Variants in SH3YL1 observed in about 807,000 individuals in gnomAD.
SH3YL1 encodes the protein SH3 domain-containing YSC84-like protein 1.
SH3YL1 carries 41 observed loss-of-function variants against 45.8 expected under a neutral mutation model. That is an observed-to-expected ratio of 0.89 (90% CI 0.70 to 1.16). The LOEUF is 1.16. SH3YL1 is among the 50% of genes most tolerant of loss of function. SH3YL1 has a pLI of 0.00. For missense variants in SH3YL1, 389 were observed against 409.6 expected (o/e 0.95, Z 0.43); for synonymous variants, 152 against 151.4 (o/e 1.00, Z -0.03).
Position 233,189 on chromosome 2 carries a change from C to CGGCA in SH3YL1, c.441_444dup (p.Val149CysfsTer24), listed in dbSNP as rs1558238107. 6.3e-7 allele frequency: 1 copy of CGGCA among 1,593,348 alleles called. No individual in the cohort carries two copies. Among genetic ancestry groups the CGGCA allele is most frequent in the Admixed American group, 1.7e-5 (1 of 57,360 alleles). On this transcript the variant is annotated frameshift_variant, in exon 6 of 10. Transcript: ENST00000356150. LOFTEE classifies it high-confidence loss of function. The stretch of plus-strand genomic sequence containing the variant: ...CCCCTTGACTTGCAGTACGTGAAGA[C>CGGCA]GGCAGCGGAGCTTCTCAGGGCCACG...
At chr2:240,680 T>A (rs1032294277) in intron 4 of SH3YL1, 1 of 152,188 alleles carries the variant, frequency 6.6e-6, no homozygotes, top group Non-Finnish European at 1.5e-5. Context: ...TTGGAAACAA[T>A]GGAGCAATCA....
intron 8 of SH3YL1, among the ~76,000 whole-genome samples, chr2:226,158 T>A (rs949968955): frequency 8.5e-5 from 13 of 152,128 alleles, no homozygotes; most frequent in African/African-American, 2.9e-4. Context: ...AAGACCTTAA[T>A]CATGACCAAA....
chr2:219,690 T>C (rs1034757151), intron 9 of SH3YL1, among the ~76,000 whole-genome samples: 1 of 152,200 alleles, frequency 6.6e-6, no homozygotes, highest in African/African-American at 2.4e-5. Flanking sequence ...AAGGCAGATA[T>C]GTGAGCTTAT....
chr2:220,647 G>A (rs937785498), intron 9 of SH3YL1, among the ~76,000 whole-genome samples: 19 of 152,316 alleles, frequency 1.2e-4, no homozygotes, highest in Admixed American at 2.0e-4. Flanking sequence ...CCGGGCAGGC[G>A]CTCACGCCGT....
At chr2:238,085 T>C (rs1668384038) in intron 4 of SH3YL1, among the ~76,000 whole-genome samples, 1 of 152,112 alleles carries the variant, frequency 6.6e-6, no homozygotes, top group Non-Finnish European at 1.5e-5. Flanking sequence ...CACCCCCTTC[T>C]GGATGATTGA....
intron 3 of SH3YL1, among the ~76,000 whole-genome samples, chr2:248,195 G>A (rs1262107050): frequency 3.3e-5 from 5 of 152,108 alleles, no homozygotes; most frequent in Admixed American, 2.0e-4. Flanking sequence ...CCATGATACG[G>A]CACATTTTAG....
intron 8 of SH3YL1, among the ~76,000 whole-genome samples, chr2:229,522 G>A (rs1162737747): frequency 3.3e-5 from 5 of 151,948 alleles, no homozygotes; most frequent in African/African-American, 4.8e-5. Context: ...GAGGTCAGGA[G>A]ATCGAGACCA....
chr2:236,439 C>T lies in SH3YL1; in HGVS notation c.292-2167G>A, dbSNP rs914475325. Reference sequence around the variant, plus strand: ...AACTACTGTGAGAATCAGATATAGGCGTCAAGTGTACCTGGGAAGTTGAAA... The same window carrying T: ...AACTACTGTGAGAATCAGATATAGGTGTCAAGTGTACCTGGGAAGTTGAAA... On this transcript the variant is annotated intron_variant, in intron 4 of 9. Transcript: ENST00000356150. Among the ~76,000 whole-genome samples the T allele has an allele frequency of 3.3e-5, 5 of 152,080 alleles. No individual in the cohort carries two copies. In the South Asian group the frequency reaches 6.2e-4, roughly 19 times the overall value.
At chr2:238,196 T>A (rs1668388816) in intron 4 of SH3YL1, among the ~76,000 whole-genome samples, 1 of 152,190 alleles carries the variant, frequency 6.6e-6, no homozygotes. Flanking sequence ...GGGCTGGCCT[T>A]GGAGCCTGCC....
chr2:218,823 T>A lies in SH3YL1; in HGVS notation c.1017A>T (p.Val339=). ...GQTGIFPANY[V]TMN is the part of the protein sequence containing the mutation. ...AATAGTATACGCTTTAATTCATGGTTACGTAGTTGGCTGGAAAAATGCCAG... is the reference window on the plus strand; with the variant it reads ...AATAGTATACGCTTTAATTCATGGTAACGTAGTTGGCTGGAAAAATGCCAG... Residue 339 remains valine, a synonymous_variant, in exon 10 of 10, where the codon GTA becomes GTT. Coordinates refer to ENST00000356150, the MANE Select transcript of SH3YL1 (RefSeq NM_015677.4). The A allele has an allele frequency of 6.2e-7, 1 of 1,613,010 alleles. No individual in the cohort carries two copies. Among genetic ancestry groups the A allele is most frequent in the Non-Finnish European group, 8.5e-7 (1 of 1,179,244 alleles).
At chr2:263,862 A>T in intron 1 of SH3YL1, 122 bp downstream of exon 1, 1 of 820,114 alleles carries the variant, frequency 1.2e-6, no homozygotes, top group Non-Finnish European at 2.0e-6. Flanking sequence ...GTTTGCGGTT[A>T]ACAGACGCGC....
chr2:223,762 C>A (rs1307952625), intron 9 of SH3YL1, among the ~76,000 whole-genome samples: 3 of 152,182 alleles, frequency 2.0e-5, no homozygotes, highest in African/African-American at 7.2e-5. Context: ...ATACCTAAGA[C>A]CATGGCACAG....
At chr2:262,730 T>A in intron 1 of SH3YL1, 1 of 1,271,428 alleles carries the variant, frequency 7.9e-7, no homozygotes, top group Non-Finnish European at 1.0e-6. Flanking sequence ...ATGTTTGTGT[T>A]GACATGCCAG....
At chr2:250,929 T>C (rs1336084306) in intron 2 of SH3YL1, among the ~76,000 whole-genome samples, 3 of 152,246 alleles carry the variant, frequency 2.0e-5, no homozygotes, top group Non-Finnish European at 4.4e-5. Context: ...AGGTTATAAT[T>C]ATATTGTAAC....
intron 9 of SH3YL1, among the ~76,000 whole-genome samples, chr2:223,486 A>C (rs1464727244): frequency 1.3e-5 from 2 of 152,276 alleles, no homozygotes; most frequent in East Asian, 3.9e-4. Context: ...CCAGATACCT[A>C]AGTCTAAGTC....
intron 8 of SH3YL1, among the ~76,000 whole-genome samples, chr2:225,758 A>T (rs1213880021): frequency 6.6e-6 from 1 of 152,250 alleles, no homozygotes; most frequent in East Asian, 1.9e-4. Context: ...ATTGGTACTT[A>T]AGTAGAAATA....
intron 3 of SH3YL1, among the ~76,000 whole-genome samples, chr2:247,941 AC>A (rs1249021986): frequency 6.6e-6 from 1 of 152,222 alleles, no homozygotes; most frequent in Non-Finnish European, 1.5e-5. Flanking sequence ...TTTTTATAGA[AC>A]AACTTAGCTG....
intron 1 of SH3YL1, among the ~76,000 whole-genome samples, chr2:257,833 T>C (rs1669413538): frequency 6.6e-6 from 1 of 152,230 alleles, no homozygotes; most frequent in Non-Finnish European, 1.5e-5. Flanking sequence ...TTTTTGCATA[T>C]GGTATAAGGA....
intron 1 of SH3YL1, among the ~76,000 whole-genome samples, chr2:254,129 T>C (rs1040851826): frequency 6.6e-6 from 1 of 152,148 alleles, no homozygotes; most frequent in African/African-American, 2.4e-5. Context: ...ATAAATTTAA[T>C]ATATTTTGTT....
Sources: gnomAD v4.1 joint callset for allele counts (sites outside exome capture counted in the v4.1 genomes callset) on GRCh38, gnomAD v4.1.1 for gene constraint, MANE v1.5 for transcripts, NCBI Gene and HGNC (gene_info 2026-07-23, HGNC 2026-07-21) for gene names.